ADGRL3: variants seen among roughly 807,000 people sequenced by gnomAD.
The protein encoded by ADGRL3 is calcium-independent alpha-latrotoxin receptor 3.
ADGRL3 carries 62 observed loss-of-function variants against 153.5 expected under a neutral mutation model. The observed-to-expected ratio is 0.40, with a 90% CI of 0.33 to 0.50. The LOEUF is 0.50. ADGRL3 is among the 20% of genes least tolerant of loss of function. ADGRL3 has a pLI of 0.47. For missense variants in ADGRL3, 1,641 were observed against 1,859.4 expected, an observed-to-expected ratio of 0.88 and a Z score of 2.16; for synonymous variants, 710 against 672.5, an observed-to-expected ratio of 1.06 and a Z score of -0.86.
rs533386867 is a variant in ADGRL3, at chr4:61,584,715, A to G, written c.260-2512A>G. ...AAACAATTTGTCTCTTGATAAATGT[A>G]TAAAAGTTTACACTAAAACATTCAG... On this transcript the variant is annotated intron_variant, in intron 4 of 26. Coordinates refer to ENST00000683033, the MANE Select transcript of ADGRL3 (RefSeq NM_001387552.1). Among the ~76,000 whole-genome samples, 3 of 152,138 alleles carry G rather than the reference A, an allele frequency of 2.0e-5. No homozygotes were observed. The South Asian group carries it at 6.2e-4, about 32-fold the overall frequency.
intron 13 of ADGRL3, among the ~76,000 whole-genome samples, chr4:61,931,988 A>T (rs554106376): frequency 3.9e-5 from 6 of 152,114 alleles, no homozygotes; most frequent in Non-Finnish European, 5.9e-5. Context: ...TCTGTTCATT[A>T]GTTTATATAT....
At chr4:61,599,789 G>T (rs994342796) in intron 5 of ADGRL3, among the ~76,000 whole-genome samples, 7 of 152,108 alleles carry the variant, frequency 4.6e-5, no homozygotes, top group African/African-American at 1.7e-4. Context: ...ACAGGAGAAG[G>T]TCAGAGAAAA....
At chr4:61,846,972 A>ATATATATGTATATATG (rs1554045748) in intron 9 of ADGRL3, among the ~76,000 whole-genome samples, 2 of 148,114 alleles carry the variant, frequency 1.4e-5, no homozygotes, top group African/African-American at 5.1e-5. Context: ...GTGTGTGTGT[A>ATATATATGTATATATG]TATATATGTA....
At chr4:61,764,015 C>T (rs2096943277) in intron 8 of ADGRL3, among the ~76,000 whole-genome samples, 1 of 152,154 alleles carries the variant, frequency 6.6e-6, no homozygotes, top group African/African-American at 2.4e-5. Context: ...TTTATATCAA[C>T]AAACATATCC....
intron 8 of ADGRL3, among the ~76,000 whole-genome samples, chr4:61,740,120 C>T (rs989133665): frequency 6.6e-6 from 1 of 152,218 alleles, no homozygotes; most frequent in Non-Finnish European, 1.5e-5. Flanking sequence ...AGCACTTCCT[C>T]TGTTTTTTCT....
Position 61,518,662 on chromosome 4 carries a change from G to A in ADGRL3, c.259+1144G>A, listed in dbSNP as rs555111348. On this transcript the variant is annotated intron_variant, in intron 4 of 26. Transcript: ENST00000683033. ...GTAGCTCTGTCTCCTAAGTCACATCGTTCAATCTCTCCATTCAGATTGGCC... is the reference window on the plus strand; with the variant it reads ...GTAGCTCTGTCTCCTAAGTCACATCATTCAATCTCTCCATTCAGATTGGCC... Among the ~76,000 whole-genome samples the A allele has an allele frequency of 1.6e-3, 242 of 152,274 alleles. 1 individual carries two copies. Among genetic ancestry groups the A allele is most frequent in the African/African-American group, 5.5e-3 (229 of 41,538 alleles).
intron 2 of ADGRL3, among the ~76,000 whole-genome samples, chr4:61,405,406 T>G (rs556280174): frequency 1.3e-5 from 2 of 152,116 alleles, no homozygotes; most frequent in Middle Eastern, 3.4e-3. Flanking sequence ...GTGTTTATTA[T>G]GAGCTACCTA....
At chr4:61,644,930 G>A (rs1157551985) in intron 5 of ADGRL3, among the ~76,000 whole-genome samples, 1 of 151,842 alleles carries the variant, frequency 6.6e-6, no homozygotes, top group South Asian at 2.1e-4. Context: ...AAGTCTCTTT[G>A]TAGGTCACTC....
intron 1 of ADGRL3, among the ~76,000 whole-genome samples, chr4:61,331,299 G>A (rs1045959737): frequency 1.3e-5 from 2 of 152,182 alleles, no homozygotes; most frequent in Non-Finnish European, 2.9e-5. Flanking sequence ...GAAAGGTTAT[G>A]TAGGAGATAC....
At chr4:61,301,641 C>T (rs1348637382) in intron 1 of ADGRL3, among the ~76,000 whole-genome samples, 1 of 152,162 alleles carries the variant, frequency 6.6e-6, no homozygotes, top group South Asian at 2.1e-4. Context: ...TTCTCTTTCC[C>T]CCAAAAGGGC....
intron 1 of ADGRL3, among the ~76,000 whole-genome samples, chr4:61,299,639 A>C (rs1001423527): frequency 2.0e-5 from 3 of 152,210 alleles, no homozygotes; most frequent in African/African-American, 4.8e-5. Flanking sequence ...ATATTAATTT[A>C]AATTCAGTTT....
intron 4 of ADGRL3, among the ~76,000 whole-genome samples, chr4:61,534,603 A>C (rs1192089039): frequency 6.6e-6 from 1 of 152,120 alleles, no homozygotes; most frequent in Non-Finnish European, 1.5e-5. Context: ...TATGTAATCT[A>C]CAATTTCATT....
intron 1 of ADGRL3, among the ~76,000 whole-genome samples, chr4:61,226,566 G>C (rs970911989): frequency 1.3e-5 from 2 of 152,066 alleles, no homozygotes; most frequent in African/African-American, 4.8e-5. Flanking sequence ...TATTTTTCAG[G>C]TTCTTGACCT....
At chr4:61,869,467 G>A (rs555878745) in intron 9 of ADGRL3, among the ~76,000 whole-genome samples, 382 of 151,374 alleles carry the variant, frequency 2.5e-3, no homozygotes, top group African/African-American at 8.9e-3. Flanking sequence ...GCGCGGTGGC[G>A]GGCGCCTGTA....
intron 19 of ADGRL3, among the ~76,000 whole-genome samples, chr4:61,992,376 C>T (rs1233696662): frequency 1.3e-5 from 2 of 152,184 alleles, no homozygotes; most frequent in East Asian, 1.9e-4. Flanking sequence ...ATACACCCCA[C>T]ATAACGTTCT....
At chr4:61,811,501 G>A (rs1186565622) in intron 8 of ADGRL3, among the ~76,000 whole-genome samples, 1 of 152,024 alleles carries the variant, frequency 6.6e-6, no homozygotes, top group Non-Finnish European at 1.5e-5. Flanking sequence ...GAAATGAGGA[G>A]CGACTACTAA....
At chr4:61,499,240 T>C (rs2098356329) in intron 3 of ADGRL3, among the ~76,000 whole-genome samples, 1 of 152,232 alleles carries the variant, frequency 6.6e-6, no homozygotes, top group Non-Finnish European at 1.5e-5. Context: ...TATTTAGTTC[T>C]AACAATTCAC....
At chr4:61,986,139 A>G (rs187123168) in intron 19 of ADGRL3, among the ~76,000 whole-genome samples, 1 of 152,222 alleles carries the variant, frequency 6.6e-6, no homozygotes, top group African/African-American at 2.4e-5. Context: ...CGAAACAAAA[A>G]AGAAACCCCT....
intron 6 of ADGRL3, among the ~76,000 whole-genome samples, chr4:61,697,453 G>T (rs962203737): frequency 2.6e-5 from 4 of 151,760 alleles, no homozygotes; most frequent in Non-Finnish European, 5.9e-5. Context: ...CCAGCTACTC[G>T]GGAGGCTGAG....
Sources: allele counts gnomAD v4.1 joint callset (sites outside exome capture counted in the v4.1 genomes callset), GRCh38; gene constraint gnomAD v4.1.1; transcripts MANE v1.5; gene names NCBI Gene and HGNC (gene_info 2026-07-23, HGNC 2026-07-21).